ZNF623: variants seen among roughly 807,000 people sequenced by gnomAD.
The protein encoded by ZNF623 is zinc finger protein 623.
In ZNF623, 16 loss-of-function variants were observed where a neutral mutation model predicts 24.0. That is an observed-to-expected ratio of 0.67 (90% confidence interval 0.45 to 1.01). The LOEUF (loss-of-function observed/expected upper bound fraction) is 1.01. ZNF623 is among the 50% of genes least tolerant of loss of function. The probability of loss-of-function intolerance (pLI) is 0.00; values close to 1 mark genes in which losing one functional copy is unlikely to be tolerated. For synonymous variants in ZNF623, 224 were observed against 219.8 expected (o/e 1.02, Z -0.17); for missense variants, 566 against 606.5 (o/e 0.93, Z 0.70).
In ZNF623 at chr8:143,650,955, C is replaced by T. The variant is rs757543241; in HGVS notation, c.963C>T (p.Asn321=). Residue 321 remains asparagine (N), a synonymous_variant, in exon 2 of 2, where the codon AAC becomes AAT. Transcript: ENST00000526926. The surrounding 1 kb of genome is among the most constrained non-coding windows in gnomAD (Gnocchi z 5.2). ...GGAAGCGCTTCAGCCAGACGTCAAA[C>T]TTCACCCAGCATCAGAGAATTCACA... The part of the protein sequence containing the change: ...ECGKRFSQTS[N]FTQHQRIHTG... The T allele has an allele frequency of 2.6e-5, 42 of 1,613,994 alleles. No individual in the cohort carries two copies. The highest frequency in any genetic ancestry group is 3.4e-5 in the Non-Finnish European group (40 of 1,180,050).
At chr8:143,643,124 C>T (rs958577172) in intron 1 of ZNF623, among the ~76,000 whole-genome samples, 1 of 152,170 alleles carries the variant, frequency 6.6e-6, no homozygotes, top group African/African-American at 2.4e-5. Flanking sequence ...CTGTGCCTGC[C>T]TTGAGATTCA....
intron 1 of ZNF623, among the ~76,000 whole-genome samples, chr8:143,639,598 A>G (rs976944049): frequency 6.6e-6 from 1 of 151,782 alleles, no homozygotes; most frequent in Non-Finnish European, 1.5e-5. Flanking sequence ...CAAGCAGTCT[A>G]CCTGCCTCAG....
chr8:143,651,838 T>C lies in ZNF623; in HGVS notation c.*355T>C. The C allele has an allele frequency of 4.4e-6, 1 of 225,064 alleles. No homozygotes were observed. The highest frequency in any genetic ancestry group is 9.4e-6 in the Non-Finnish European group (1 of 106,238). 13.9% of individuals were successfully genotyped at this position (225,064 alleles called of 1,614,324 possible). ...CACAACTGTGTATCTAATCTTACGA[T>C]TTAGGAGAATGTTACCTAGGACATT... is the stretch of plus-strand genomic sequence containing the variant. On this transcript the variant is annotated 3_prime_UTR_variant, in exon 2 of 2. Coordinates refer to ENST00000526926, the MANE Select transcript of ZNF623 (RefSeq NM_001261843.2).
intron 1 of ZNF623, among the ~76,000 whole-genome samples, chr8:143,645,978 T>G (rs1815168570): frequency 6.6e-6 from 1 of 152,218 alleles, no homozygotes; most frequent in South Asian, 2.1e-4. Context: ...GCACTGTTAA[T>G]CTTTCTTTAA....
intron 1 of ZNF623, among the ~76,000 whole-genome samples, chr8:143,637,356 C>T (rs1814948217): frequency 6.6e-6 from 1 of 152,052 alleles, no homozygotes; most frequent in Admixed American, 6.6e-5. Flanking sequence ...CTGTTAATTT[C>T]TTCAGGCTGT....
At position 143,650,444 on chromosome 8, in the gene ZNF623, A is replaced by G; in HGVS notation, c.452A>G (p.Tyr151Cys). 1.2e-6 allele frequency: 2 copies of G among 1,613,950 alleles called. No homozygotes were observed. Among genetic ancestry groups the G allele is most frequent in the Non-Finnish European group, 8.5e-7 (1 of 1,179,976 alleles). Reference sequence around the variant, plus strand: ...GTGTGTGGGAAAGACTTCATTCACTATTCAGGTCTCATTGAGCATCAGCGC... The same window carrying G: ...GTGTGTGGGAAAGACTTCATTCACTGTTCAGGTCTCATTGAGCATCAGCGC... ...CNVCGKDFIH[Y>C]SGLIEHQRVH... Residue 151 changes from tyrosine (Y) to cysteine (C), a missense_variant, in exon 2 of 2, where the codon TAT becomes TGT. Tyr to Cys is a radical substitution (Grantham distance 194). Around this residue, in one of 3 missense-constraint regions of ZNF623, gnomAD observed 313 missense variants for 300.4 expected, o/e 1.04. Transcript: ENST00000526926. The surrounding 1 kb of genome is among the most constrained non-coding windows in gnomAD (Gnocchi z 5.2).
chr8:143,649,276 T>TAA (rs538948599), intron 1 of ZNF623, among the ~76,000 whole-genome samples: 64 of 130,876 alleles, frequency 4.9e-4, no homozygotes, highest in South Asian at 3.3e-3. Flanking sequence ...AGACTCCATC[T>TAA]AAAAAAAAAA....
At chr8:143,640,409 G>A (rs937408643) in intron 1 of ZNF623, among the ~76,000 whole-genome samples, 1 of 152,172 alleles carries the variant, frequency 6.6e-6, no homozygotes, top group African/African-American at 2.4e-5. Context: ...TGTCACATCA[G>A]TGGAATCTTG....
At chr8:143,645,722 G>GGACCAA (rs1815163881) in intron 1 of ZNF623, among the ~76,000 whole-genome samples, 1 of 152,158 alleles carries the variant, frequency 6.6e-6, no homozygotes, top group East Asian at 1.9e-4. Flanking sequence ...GTGAATTGGG[G>GGACCAA]TGTCTCCTTG....
At chr8:143,646,124 C>T (rs975957850) in intron 1 of ZNF623, among the ~76,000 whole-genome samples, 2 of 152,090 alleles carry the variant, frequency 1.3e-5, no homozygotes, top group Non-Finnish European at 2.9e-5. Context: ...TTACTACAGC[C>T]TCAAACCTCT....
chr8:143,648,883 TAAG>T (rs1332838557), intron 1 of ZNF623, among the ~76,000 whole-genome samples: 7 of 151,708 alleles, frequency 4.6e-5, no homozygotes, highest in Non-Finnish European at 8.8e-5. Flanking sequence ...GCTGAGTTTG[TAAG>T]AAGATAGGAG....
At chr8:143,647,152 TTTTTTTTTTG>T (rs1339140178) in intron 1 of ZNF623, among the ~76,000 whole-genome samples, 1 of 134,562 alleles carries the variant, frequency 7.4e-6, no homozygotes. Context: ...TTGCTGTTTT[TTTTTTTTTTG>T]TTTTGTTTCG....
rs555367631 is a variant in ZNF623 at position 143,636,674 on chromosome 8, TA to T, written c.-96+530del. ...CCAGCATCTTCTGTGCTGTTGGGGA[TA>T]GGGGTGGGGAGGGAAACATGATGAG... On this transcript the variant is annotated intron_variant, in intron 1 of 1. Coordinates refer to ENST00000526926, the MANE Select transcript of ZNF623 (RefSeq NM_001261843.2). Among the ~76,000 whole-genome samples, 37 of 151,994 alleles carry T rather than the reference TA, an allele frequency of 2.4e-4. 1 individual carries two copies. In the South Asian group the frequency reaches 7.7e-3, roughly 32 times the overall value.
intron 1 of ZNF623, among the ~76,000 whole-genome samples, chr8:143,646,402 A>G (rs1815176212): frequency 1.3e-5 from 2 of 152,162 alleles, no homozygotes; most frequent in Admixed American, 6.5e-5. Flanking sequence ...CATACAGCAG[A>G]TATTGATGAA....
chr8:143,636,375 C>T (rs1290961943), intron 1 of ZNF623: 4 of 152,342 alleles, frequency 2.6e-5, no homozygotes, highest in East Asian at 1.9e-4. Flanking sequence ...GCGAGCCCGC[C>T]TCGGGCCCGA....
intron 1 of ZNF623, among the ~76,000 whole-genome samples, chr8:143,646,554 T>TGTGTGG (rs1815180864): frequency 6.6e-6 from 1 of 151,732 alleles, no homozygotes; most frequent in Admixed American, 6.6e-5. Context: ...TGCGTGTGTG[T>TGTGTGG]GTGTGTGTGT....
Position 143,650,561 on chromosome 8 carries a change from C to T in ZNF623, c.569C>T (p.Thr190Ile). 6.2e-7 allele frequency: 1 copy of T among 1,614,196 alleles called. No homozygotes were observed. Among genetic ancestry groups the T allele is most frequent in the Non-Finnish European group, 8.5e-7 (1 of 1,180,044 alleles). ...SDLIRHQRVHTRERPFECKEC... is the reference protein window; with the variant it reads ...SDLIRHQRVHIRERPFECKEC... Reference sequence around the variant, plus strand: ...CTGATTAGGCACCAGAGAGTTCACACCAGAGAGAGACCTTTTGAATGCAAA... The same window carrying T: ...CTGATTAGGCACCAGAGAGTTCACATCAGAGAGAGACCTTTTGAATGCAAA... The change falls in exon 2 of 2, where the codon ACC becomes ATC. Residue 190 changes from threonine (T) to isoleucine (I), a missense_variant. Physicochemically the swap from Thr to Ile is moderately conservative, Grantham distance 89. Transcript: ENST00000526926. This position sits in a 1 kb window ranked among gnomAD's most constrained non-coding sequence, Gnocchi z 5.2.
intron 1 of ZNF623, among the ~76,000 whole-genome samples, chr8:143,638,138 C>G (rs575773934): frequency 6.6e-6 from 1 of 151,920 alleles, no homozygotes; most frequent in Non-Finnish European, 1.5e-5. Context: ...GTCAAGAGTT[C>G]GAGACCAGCC....
chr8:143,637,483 C>G (rs956065674), intron 1 of ZNF623, among the ~76,000 whole-genome samples: 8 of 152,184 alleles, frequency 5.3e-5, no homozygotes, highest in African/African-American at 1.9e-4. Flanking sequence ...CACCCCAGAG[C>G]TGCTGTGGCT....
Sources: gnomAD v4.1 joint callset for allele counts (sites outside exome capture counted in the v4.1 genomes callset) on GRCh38, gnomAD v4.1.1 for gene constraint, gnomAD v4.1.1 regional missense constraint, Gnocchi (gnomAD v3.1) non-coding constraint, MANE v1.5 for transcripts, NCBI Gene and HGNC (gene_info 2026-07-23, HGNC 2026-07-21) for gene names.